RSRC1: variants seen among roughly 807,000 people sequenced by gnomAD.
RSRC1 encodes serine/Arginine-related protein 53.
Under a neutral mutation model 49.1 loss-of-function variants are expected in RSRC1, and 39 were observed. The ratio of observed to expected loss-of-function variants is 0.79; its 90% CI spans 0.61 to 1.04. The LOEUF is 1.04. RSRC1 is among the 50% of genes least tolerant of loss of function. The pLI is 0.00. For synonymous variants in RSRC1, 143 were observed against 130.8 expected (o/e 1.09, Z -0.63); for missense variants, 388 against 402.4 (o/e 0.96, Z 0.31).
intron 6 of RSRC1, among the ~76,000 whole-genome samples, chr3:158,435,431 C>G (rs577687586): frequency 1.3e-5 from 2 of 151,394 alleles, no homozygotes; most frequent in Non-Finnish European, 3.0e-5. Flanking sequence ...AAAATTGTTC[C>G]TTATGTATCT....
chr3:158,478,438 T>G (rs1194735646), intron 7 of RSRC1, among the ~76,000 whole-genome samples: 1 of 151,972 alleles, frequency 6.6e-6, no homozygotes, highest in Non-Finnish European at 1.5e-5. Flanking sequence ...ACTAGATAAA[T>G]TAAACTCTCA....
chr3:158,379,468 G>A (rs142573336), intron 6 of RSRC1, among the ~76,000 whole-genome samples: 2,500 of 152,136 alleles, frequency 0.016, 54 homozygotes, highest in African/African-American at 0.057. Context: ...CCAAAGTGCT[G>A]GGATTACAGG....
At chr3:158,356,672 A>T (rs1731178657) in intron 6 of RSRC1, among the ~76,000 whole-genome samples, 1 of 152,094 alleles carries the variant, frequency 6.6e-6, no homozygotes, top group South Asian at 2.1e-4. Context: ...TTTACATAAT[A>T]TGCATGGCAT....
At chr3:158,118,060 C>T (rs114169038) in intron 1 of RSRC1, among the ~76,000 whole-genome samples, 3,872 of 152,206 alleles carry the variant, frequency 0.025, 149 homozygotes, top group African/African-American at 0.089. Context: ...GGTGATCCTC[C>T]TGCCTCAGTC....
intron 7 of RSRC1, among the ~76,000 whole-genome samples, chr3:158,468,360 C>T (rs1158170940): frequency 6.6e-6 from 1 of 152,138 alleles, no homozygotes; most frequent in Non-Finnish European, 1.5e-5. Context: ...TCATTAAACA[C>T]AAGTTTTTAT....
At chr3:158,293,363 T>C (rs1727052952) in intron 4 of RSRC1, among the ~76,000 whole-genome samples, 1 of 152,132 alleles carries the variant, frequency 6.6e-6, no homozygotes, top group South Asian at 2.1e-4. Flanking sequence ...ATTAAAGCAT[T>C]AAACTTGCTG....
At chr3:158,333,283 A>T (rs1369797867) in intron 5 of RSRC1, among the ~76,000 whole-genome samples, 1 of 152,170 alleles carries the variant, frequency 6.6e-6, no homozygotes, top group Non-Finnish European at 1.5e-5. Flanking sequence ...TAGGTAAGGA[A>T]ACCAAAGCCC....
chr3:158,380,654 T>G (rs1331056895), intron 6 of RSRC1, among the ~76,000 whole-genome samples: 5 of 152,154 alleles, frequency 3.3e-5, no homozygotes, highest in Admixed American at 6.5e-5. Context: ...ATGAGTTTGG[T>G]ATTTTATAAA....
chr3:158,285,536 C>T (rs1726477402), intron 4 of RSRC1, among the ~76,000 whole-genome samples: 1 of 152,096 alleles, frequency 6.6e-6, no homozygotes, highest in Admixed American at 6.6e-5. Flanking sequence ...ATGGAATGTT[C>T]TTCCATTTCT....
chr3:158,200,561 T>C (rs1196797785), intron 3 of RSRC1, among the ~76,000 whole-genome samples: 1 of 152,168 alleles, frequency 6.6e-6, no homozygotes, highest in Non-Finnish European at 1.5e-5. Context: ...TCTTTTTTCT[T>C]TTTGCTTCCT....
At chr3:158,269,509 A>G (rs1725385947) in intron 4 of RSRC1, among the ~76,000 whole-genome samples, 2 of 151,982 alleles carry the variant, frequency 1.3e-5, no homozygotes, top group African/African-American at 4.8e-5. Context: ...TAGTATTTTC[A>G]GAAAACAGAT....
intron 3 of RSRC1, among the ~76,000 whole-genome samples, chr3:158,160,627 T>A (rs1257812563): frequency 1.3e-5 from 2 of 152,194 alleles, no homozygotes; most frequent in African/African-American, 4.8e-5. Context: ...TAAAAATAAC[T>A]ACTCTAAAAC....
chr3:158,280,718 C>T (rs1471378482), intron 4 of RSRC1, among the ~76,000 whole-genome samples: 1 of 141,324 alleles, frequency 7.1e-6, no homozygotes, highest in East Asian at 2.1e-4. Context: ...GTGATCTCGG[C>T]TCACTGCAAC....
At chr3:158,385,329 T>C (rs1385804995) in intron 6 of RSRC1, among the ~76,000 whole-genome samples, 1 of 152,144 alleles carries the variant, frequency 6.6e-6, no homozygotes, top group African/African-American at 2.4e-5. Flanking sequence ...CTATAAACCA[T>C]TCATCTATTA....
At chr3:158,219,922 G>A (rs1722139097) in intron 4 of RSRC1, among the ~76,000 whole-genome samples, 1 of 151,562 alleles carries the variant, frequency 6.6e-6, no homozygotes, top group Non-Finnish European at 1.5e-5. Context: ...AATCAATGGG[G>A]TTTCCTCATG....
In RSRC1 at chr3:158,280,311, T is replaced by G. The variant is rs1239391397; in HGVS notation, c.495-17728T>G. Among the ~76,000 whole-genome samples, 5 of 152,282 alleles carry G rather than the reference T, an allele frequency of 3.3e-5. No individual in the cohort carries two copies. The East Asian group carries it at 7.7e-4, about 24-fold the overall frequency. On this transcript the variant is annotated intron_variant, in intron 4 of 9. Transcript: ENST00000611884. ...CAATTCTTGTTTTCCTTTGATTCTG[T>G]CTTATAGGTCCCTGTATTAACTTCT... is the stretch of plus-strand genomic sequence containing the variant.
chr3:158,359,913 A>T (rs1304322423), intron 6 of RSRC1, among the ~76,000 whole-genome samples: 4 of 152,176 alleles, frequency 2.6e-5, no homozygotes, highest in Non-Finnish European at 4.4e-5. Context: ...GGACTGGCAG[A>T]GGGCAGCTCT....
chr3:158,156,348 G>T (rs1219548628), intron 3 of RSRC1, among the ~76,000 whole-genome samples: 1 of 152,142 alleles, frequency 6.6e-6, no homozygotes, highest in African/African-American at 2.4e-5. Flanking sequence ...GAATGTTATG[G>T]CTGGTTTGAT....
intron 4 of RSRC1, among the ~76,000 whole-genome samples, chr3:158,287,544 C>G (rs754802793): frequency 2.0e-5 from 3 of 151,960 alleles, no homozygotes; most frequent in Admixed American, 1.3e-4. Flanking sequence ...AAGGATAAAT[C>G]AGAAAGAACC....
Sources: gnomAD v4.1 joint callset for allele counts (sites outside exome capture counted in the v4.1 genomes callset) on GRCh38, gnomAD v4.1.1 for gene constraint, MANE v1.5 for transcripts, NCBI Gene and HGNC (gene_info 2026-07-23, HGNC 2026-07-21) for gene names.